Variants in POFUT3 observed in about 807,000 individuals in gnomAD.
POFUT3 encodes protein O-fucosyltransferase 3, also known as GDP-fucose protein O-fucosyltransferase 3.
At chr8:33,441,378 CTTTTT>C in the POFUT3 span, among the ~76,000 whole-genome samples, 1 of 114,064 alleles carries the variant, frequency 8.8e-6, no homozygotes, top group Non-Finnish European at 1.8e-5. Context: ...TTTTTCCTGC[CTTTTT>C]TTTTTTTTTT....
chr8:33,323,590 G>A, the POFUT3 span, among the ~76,000 whole-genome samples: 1 of 152,128 alleles, frequency 6.6e-6, no homozygotes, highest in Admixed American at 6.5e-5. Flanking sequence ...TAATGAGCTT[G>A]TCCCTACCAC....
At chr8:33,359,344 G>C in the POFUT3 span, among the ~76,000 whole-genome samples, 5 of 152,196 alleles carry the variant, frequency 3.3e-5, no homozygotes, top group African/African-American at 4.8e-5. Context: ...CTTTCCAAGA[G>C]TTTATGGCAT....
At chr8:33,355,816 C>A in the POFUT3 span, among the ~76,000 whole-genome samples, 4 of 152,092 alleles carry the variant, frequency 2.6e-5, no homozygotes, top group African/African-American at 9.7e-5. Flanking sequence ...TGCTATCCCT[C>A]GCCCCTCCCC....
At chr8:33,357,960 G>A in the POFUT3 span, among the ~76,000 whole-genome samples, 267 of 152,244 alleles carry the variant, frequency 1.8e-3, 1 homozygote, top group Non-Finnish European at 3.0e-3. Flanking sequence ...TATTCTACAA[G>A]ACAAGGCTGG....
chr8:33,431,948 C>T, the POFUT3 span, among the ~76,000 whole-genome samples: 1 of 152,042 alleles, frequency 6.6e-6, no homozygotes. Flanking sequence ...TCTGAGGGAC[C>T]ACACCATTAT....
the POFUT3 span, among the ~76,000 whole-genome samples, chr8:33,424,627 CT>C: frequency 6.6e-6 from 1 of 152,322 alleles, no homozygotes; most frequent in African/African-American, 2.4e-5. Context: ...CCCTTTCCAG[CT>C]AACTCCCTTT....
At chr8:33,388,069 C>G in the POFUT3 span, among the ~76,000 whole-genome samples, 1 of 152,146 alleles carries the variant, frequency 6.6e-6, no homozygotes, top group Non-Finnish European at 1.5e-5. Context: ...GAAGACATTA[C>G]TAAGAAGTTC....
At chr8:33,342,467 TAA>T in the POFUT3 span, among the ~76,000 whole-genome samples, 14 of 132,432 alleles carry the variant, frequency 1.1e-4, no homozygotes, top group African/African-American at 3.2e-4. Flanking sequence ...AACTTAACAG[TAA>T]AAAAAAAAAA....
chr8:33,420,280 CAAAT>C, the POFUT3 span, among the ~76,000 whole-genome samples: 1 of 151,848 alleles, frequency 6.6e-6, no homozygotes, highest in African/African-American at 2.4e-5. Flanking sequence ...TAGTTTTAGA[CAAAT>C]AAAATATACA....
the POFUT3 span, among the ~76,000 whole-genome samples, chr8:33,351,236 A>G: frequency 5.3e-5 from 8 of 152,318 alleles, no homozygotes; most frequent in African/African-American, 1.9e-4. Flanking sequence ...GGTTACAGGC[A>G]CGAGCCACTG....
chr8:33,421,577 C>T, the POFUT3 span, among the ~76,000 whole-genome samples: 5 of 150,496 alleles, frequency 3.3e-5, no homozygotes, highest in South Asian at 2.1e-4. Context: ...AATGTTTATT[C>T]GCTTGAGGGA....
At chr8:33,472,454 G>A in the POFUT3 span, among the ~76,000 whole-genome samples, 2 of 152,266 alleles carry the variant, frequency 1.3e-5, no homozygotes, top group Non-Finnish European at 2.9e-5. Context: ...TACTAATCGG[G>A]TGCAAAATAC....
the POFUT3 span, among the ~76,000 whole-genome samples, chr8:33,439,938 C>G: frequency 6.6e-6 from 1 of 152,116 alleles, no homozygotes; most frequent in Admixed American, 6.6e-5. Flanking sequence ...GATGGCCTGG[C>G]TCCTGACTCC....
the POFUT3 span, among the ~76,000 whole-genome samples, chr8:33,416,518 C>G: frequency 6.6e-6 from 1 of 151,992 alleles, no homozygotes; most frequent in Admixed American, 6.6e-5. Flanking sequence ...TCAAGACCAG[C>G]CTGGCCAACA....
the POFUT3 span, among the ~76,000 whole-genome samples, chr8:33,441,956 T>A: frequency 6.6e-6 from 1 of 152,024 alleles, no homozygotes; most frequent in Non-Finnish European, 1.5e-5. Flanking sequence ...ACTTCTATTT[T>A]TTTTCTTTTT....
the POFUT3 span, among the ~76,000 whole-genome samples, chr8:33,360,013 AC>A: frequency 6.6e-6 from 1 of 151,896 alleles, no homozygotes; most frequent in African/African-American, 2.4e-5. Context: ...CTCAAAAAAA[AC>A]CAAACCAAAC....
At chr8:33,358,637 G>C in the POFUT3 span, among the ~76,000 whole-genome samples, 1 of 152,140 alleles carries the variant, frequency 6.6e-6, no homozygotes, top group Non-Finnish European at 1.5e-5. Context: ...GATGGTATTA[G>C]GAGGTGTGGC....
the POFUT3 span, among the ~76,000 whole-genome samples, chr8:33,359,049 T>C: frequency 6.6e-6 from 1 of 152,178 alleles, no homozygotes; most frequent in Non-Finnish European, 1.5e-5. Flanking sequence ...CATTTTGTTA[T>C]AGCAGCCTGA....
the POFUT3 span, among the ~76,000 whole-genome samples, chr8:33,456,445 C>T: frequency 9.9e-5 from 15 of 152,078 alleles, no homozygotes; most frequent in Non-Finnish European, 2.1e-4. Context: ...GCAGCCTCCT[C>T]TTCCCGAGTT....
Sources: gnomAD v4.1 joint callset for allele counts (sites outside exome capture counted in the v4.1 genomes callset) on GRCh38, gnomAD v4.1.1 for gene constraint, MANE v1.5 for transcripts, NCBI Gene and HGNC (gene_info 2026-07-23, HGNC 2026-07-21) for gene names.